DPP6: variants seen among roughly 807,000 people sequenced by gnomAD.
The protein encoded by DPP6 is A-type potassium channel modulatory protein DPP6.
In DPP6, 69 loss-of-function variants were observed where a neutral mutation model predicts 122.6. That is an observed-to-expected ratio of 0.56 (90% CI 0.46 to 0.69). The LOEUF (loss-of-function observed/expected upper bound fraction) is 0.69. Among genes scored for constraint, DPP6 ranks in the 30% least tolerant of loss-of-function variants. DPP6 has a pLI of 0.00. For synonymous variants in DPP6, 418 were observed against 433.1 expected (o/e 0.97, Z 0.43); for missense variants, 928 against 1,116.9 (o/e 0.83, Z 2.41).
intron 1 of DPP6, among the ~76,000 whole-genome samples, chr7:153,934,340 CT>C (rs541968522): frequency 1.9e-4 from 28 of 149,174 alleles, no homozygotes; most frequent in Middle Eastern, 3.4e-3. Flanking sequence ...GCCCCTTCTC[CT>C]TTTTTTTTTC....
At chr7:154,325,944 G>A (rs1235284789) in intron 1 of DPP6, among the ~76,000 whole-genome samples, 2 of 152,080 alleles carry the variant, frequency 1.3e-5, no homozygotes, top group Non-Finnish European at 2.9e-5. Context: ...CATTTTAATT[G>A]AATCTTAAAC....
chr7:154,343,017 G>A (rs1375557293), intron 1 of DPP6, among the ~76,000 whole-genome samples: 3 of 152,160 alleles, frequency 2.0e-5, no homozygotes, highest in South Asian at 2.1e-4. Flanking sequence ...CCATCTCGCC[G>A]CTAACCAAGG....
intron 1 of DPP6, among the ~76,000 whole-genome samples, chr7:154,234,716 A>T (rs1434436605): frequency 6.6e-6 from 1 of 152,172 alleles, no homozygotes; most frequent in Non-Finnish European, 1.5e-5. Flanking sequence ...TTTCTCATTT[A>T]TGAAATGAGC....
intron 6 of DPP6, among the ~76,000 whole-genome samples, chr7:154,667,177 T>A (rs1405928653): frequency 6.6e-6 from 1 of 152,174 alleles, no homozygotes; most frequent in Non-Finnish European, 1.5e-5. Flanking sequence ...TTTTATCTTT[T>A]TTTTTTATAA....
rs192272116 is a variant in DPP6, at chr7:154,738,099, G to A, written c.883+10212G>A. ...TCAACTTTCTTCTCCCATCCTGCTG[G>A]CTATGCTGGATGAGATCTCAGATAT... On this transcript the variant is annotated intron_variant, in intron 8 of 25. Transcript: ENST00000377770. 1.2e-3 allele frequency among the ~76,000 whole-genome samples: 181 copies of A among 152,330 alleles called. 1 individual carries two copies. Among genetic ancestry groups the A allele is most frequent in the Non-Finnish European group, 1.1e-3 (78 of 68,040 alleles).
chr7:153,836,565 T>C, the DPP6 span, among the ~76,000 whole-genome samples: 1 of 152,202 alleles, frequency 6.6e-6, no homozygotes, highest in South Asian at 2.1e-4. Flanking sequence ...CAAGGTGTTT[T>C]ATTGTAAAAA....
At chr7:154,078,946 C>CAAA (rs67950621) in intron 1 of DPP6, among the ~76,000 whole-genome samples, 149 of 112,568 alleles carry the variant, frequency 1.3e-3, no homozygotes, top group African/African-American at 4.7e-3. Context: ...CATTCTTTTC[C>CAAA]AAAAAAAAAA....
the DPP6 span, among the ~76,000 whole-genome samples, chr7:153,843,757 C>T: frequency 6.6e-6 from 1 of 152,116 alleles, no homozygotes; most frequent in Non-Finnish European, 1.5e-5. Context: ...AGCCTTAAAA[C>T]AGAAACACAG....
chr7:154,107,046 A>G (rs1049587334), intron 1 of DPP6, among the ~76,000 whole-genome samples: 1 of 152,174 alleles, frequency 6.6e-6, no homozygotes, highest in Non-Finnish European at 1.5e-5. Context: ...AAAAATCCAA[A>G]ATAGAATTAC....
chr7:154,803,574 A>C (rs1016251768), intron 13 of DPP6, among the ~76,000 whole-genome samples: 1 of 152,178 alleles, frequency 6.6e-6, no homozygotes, highest in Non-Finnish European at 1.5e-5. Flanking sequence ...AGATGCTTCC[A>C]TCATGGTTGG....
At chr7:153,818,992 C>T in the DPP6 span, among the ~76,000 whole-genome samples, 67,672 of 147,120 alleles carry the variant, frequency 0.46, 15,695 homozygotes, top group Admixed American at 0.54. Context: ...CCTCGTGATC[C>T]GCCCTCATCA....
chr7:154,730,154 A>T (rs1032148627), intron 8 of DPP6, among the ~76,000 whole-genome samples: 2 of 152,196 alleles, frequency 1.3e-5, no homozygotes, highest in Non-Finnish European at 2.9e-5. Context: ...CCTAGGAGCA[A>T]CTGGAAAACT....
At chr7:154,879,181 G>A (rs750855904) in intron 20 of DPP6, among the ~76,000 whole-genome samples, 11 of 152,182 alleles carry the variant, frequency 7.2e-5, no homozygotes, top group African/African-American at 2.4e-4. Context: ...GGTGGCTCAC[G>A]CCTGTAATCC....
At chr7:154,547,287 T>G (rs566691888) in intron 4 of DPP6, among the ~76,000 whole-genome samples, 72 of 152,360 alleles carry the variant, frequency 4.7e-4, no homozygotes, top group African/African-American at 1.7e-3. Flanking sequence ...AACAGCCGTG[T>G]TTTTGTGTAC....
chr7:154,088,348 C>G (rs1804582861), intron 1 of DPP6, among the ~76,000 whole-genome samples: 1 of 146,802 alleles, frequency 6.8e-6, no homozygotes, highest in South Asian at 2.2e-4. Flanking sequence ...CTGAGATGTT[C>G]TGTGCCCTCT....
the DPP6 span, among the ~76,000 whole-genome samples, chr7:153,834,179 C>T: frequency 6.6e-6 from 1 of 151,674 alleles, no homozygotes; most frequent in Non-Finnish European, 1.5e-5. Flanking sequence ...CCCAGCTACT[C>T]TGGAGGCTGA....
chr7:154,454,234 G>A (rs1050824340), intron 2 of DPP6, among the ~76,000 whole-genome samples: 8 of 152,158 alleles, frequency 5.3e-5, no homozygotes, highest in African/African-American at 9.7e-5. Context: ...GGGCTCCTCC[G>A]TGCCTGCTCA....
At chr7:154,334,619 G>T (rs1809239599) in intron 1 of DPP6, among the ~76,000 whole-genome samples, 1 of 152,164 alleles carries the variant, frequency 6.6e-6, no homozygotes, top group Non-Finnish European at 1.5e-5. Context: ...ATACAAGCCT[G>T]GGCACAGTGG....
At chr7:154,463,415 G>A (rs1182398473) in intron 2 of DPP6, among the ~76,000 whole-genome samples, 1 of 151,832 alleles carries the variant, frequency 6.6e-6, no homozygotes. Flanking sequence ...CACCGTGTTA[G>A]CCAGGATGGT....
Sources: allele counts gnomAD v4.1 joint callset (sites outside exome capture counted in the v4.1 genomes callset), GRCh38; gene constraint gnomAD v4.1.1; transcripts MANE v1.5; gene names NCBI Gene and HGNC (gene_info 2026-07-23, HGNC 2026-07-21).